The following ZIM2 variants were observed in gnomAD, a reference collection of about 807,000 sequenced individuals.
The protein encoded by ZIM2 is zinc finger imprinted 2, also known as zinc finger protein 656.
ZIM2 carries 14 observed loss-of-function variants against 38.6 expected under a neutral mutation model. That is an observed-to-expected ratio of 0.36 (90% confidence interval 0.24 to 0.57). ZIM2 has a LOEUF of 0.57. ZIM2 is among the 20% of genes least tolerant of loss of function. The pLI, the probability that ZIM2 is intolerant of heterozygous loss-of-function variation, is 0.81. For synonymous variants in ZIM2, 247 were observed against 245.8 expected, an observed-to-expected ratio of 1.00 and a Z score of -0.04; for missense variants, 680 against 695.1, an observed-to-expected ratio of 0.98 and a Z score of 0.24.
chr19:56,775,221 T>G lies in ZIM2; in HGVS notation c.1144A>C (p.Thr382Pro). Reference sequence around the variant, plus strand: ...TTACATTCATAGGGTTTCTTCCCAGTATGGATCCGTTCGTGTCTCCTAAGG... The same window carrying G: ...TTACATTCATAGGGTTTCTTCCCAGGATGGATCCGTTCGTGTCTCCTAAGG... ...VALRRHERIH[T>P]GKKPYECKQC... The change falls in exon 13 of 13, where the codon ACT (threonine) becomes CCT (proline). Residue 382 changes from threonine to proline, a missense_variant. Thr to Pro is a conservative substitution (Grantham distance 38). Coordinates refer to ENST00000629319, the MANE Select transcript of ZIM2 (RefSeq NM_001387356.1). 1 of 1,614,174 alleles carries G rather than the reference T, an allele frequency of 6.2e-7. No individual in the cohort carries two copies. Among genetic ancestry groups the G allele is most frequent in the Non-Finnish European group, 8.5e-7 (1 of 1,180,038 alleles).
At chr19:56,817,957 T>C (rs1600969930) in intron 8 of ZIM2, 119 bp from the exon 9 acceptor site, 1 of 716,866 alleles carries the variant, frequency 1.4e-6, no homozygotes, top group Non-Finnish European at 2.4e-6. Flanking sequence ...ATCTGATTCC[T>C]TGGATGTCAG....
chr19:56,782,299 G>A, intron 10 of ZIM2, 178 bp from the exon 11 acceptor site: 1 of 808,808 alleles, frequency 1.2e-6, no homozygotes, highest in East Asian at 2.9e-5. Flanking sequence ...AGTTCCTATT[G>A]CTAATTACTA....
chr19:56,775,457 T>C lies in ZIM2; in HGVS notation c.908A>G (p.Asn303Ser), dbSNP rs763858774. ...QEKLLTPITM[N>S]DPKTLTPERS... ...TTCCGGAGTGAGGGTCTTGGGGTCA[T>C]TCATTGTTATAGGAGTCAAAAGTTT... The change falls in exon 13 of 13, where the codon AAT (asparagine) becomes AGT (serine). Residue 303 changes from asparagine to serine, a missense_variant. Physicochemically the swap from Asn to Ser is conservative, Grantham distance 46. Coordinates refer to ENST00000629319, the MANE Select transcript of ZIM2 (RefSeq NM_001387356.1). 3 of 1,614,100 alleles carry C rather than the reference T, an allele frequency of 1.9e-6. 1 individual carries two copies. In the South Asian group the frequency reaches 3.3e-5, roughly 18 times the overall value.
intron 9 of ZIM2, among the ~76,000 whole-genome samples, chr19:56,802,542 G>A (rs980169614): frequency 1.1e-4 from 16 of 152,226 alleles, no homozygotes; most frequent in Non-Finnish European, 1.9e-4. Flanking sequence ...CAATTAATGA[G>A]GTCACAGAAA....
chr19:56,809,125 C>G (rs2146043800), intron 9 of ZIM2, among the ~76,000 whole-genome samples: 1 of 152,278 alleles, frequency 6.6e-6, no homozygotes, highest in South Asian at 2.1e-4. Context: ...CCTTCCTTTA[C>G]AGCCTCTTGT....
At chr19:56,811,064 G>A in intron 9 of ZIM2, 1 of 977,078 alleles carries the variant, frequency 1.0e-6, no homozygotes, top group Non-Finnish European at 1.2e-6. Flanking sequence ...AACAAGATAA[G>A]AGGAGAGTAT....
At chr19:56,787,192 G>T (rs1489336855) in intron 10 of ZIM2, among the ~76,000 whole-genome samples, 1 of 152,140 alleles carries the variant, frequency 6.6e-6, no homozygotes, top group Non-Finnish European at 1.5e-5. Flanking sequence ...TCTGGACCTT[G>T]ATCTATAAAT....
intron 9 of ZIM2, chr19:56,816,368 C>T (rs1262431575): frequency 1.9e-6 from 3 of 1,614,010 alleles, no homozygotes; most frequent in Non-Finnish European, 2.5e-6. Context: ...ATGAAGGCAT[C>T]CCGGCCATCT....
chr19:56,827,407 G>C (rs1024805450), intron 2 of ZIM2, among the ~76,000 whole-genome samples: 1 of 151,152 alleles, frequency 6.6e-6, no homozygotes, highest in Non-Finnish European at 1.5e-5. Flanking sequence ...TTTTTTAACA[G>C]AAAAACCTTA....
Position 56,790,749 on chromosome 19 carries a change from G to C in ZIM2, c.491-798C>G, listed in dbSNP as rs7250743. Among the ~76,000 whole-genome samples the C allele has an allele frequency of 8.3e-3, 1,262 of 152,210 alleles. 27 individuals carry two copies. The highest frequency in any genetic ancestry group is 0.029 in the African/African-American group (1,208 of 41,546). ...AGAGGAAAAGACATAGTATATATAG[G>C]GTTTGATAATATCCACACTTTCAAG... On this transcript the variant is annotated intron_variant, in intron 9 of 12. Coordinates refer to ENST00000629319, the MANE Select transcript of ZIM2 (RefSeq NM_001387356.1).
intron 1 of ZIM2, among the ~76,000 whole-genome samples, chr19:56,839,478 C>T (rs971463960): frequency 5.9e-5 from 9 of 151,694 alleles, no homozygotes; most frequent in African/African-American, 2.2e-4. Context: ...AGCCTTGCCC[C>T]GCCCCATATG....
At chr19:56,839,955 G>A (rs1028669973) in intron 1 of ZIM2, among the ~76,000 whole-genome samples, 2 of 152,226 alleles carry the variant, frequency 1.3e-5, no homozygotes, top group South Asian at 2.1e-4. Context: ...GATACCGCCC[G>A]AGAGGGCGGG....
chr19:56,817,198 G>A (rs749232791), intron 9 of ZIM2: 2 of 1,614,014 alleles, frequency 1.2e-6, no homozygotes, highest in Non-Finnish European at 1.7e-6. Flanking sequence ...ACATTCAAAG[G>A]GCTTCTTCCT....
chr19:56,826,106 A>G (rs1194965158), intron 3 of ZIM2, among the ~76,000 whole-genome samples: 1 of 152,166 alleles, frequency 6.6e-6, no homozygotes, highest in Non-Finnish European at 1.5e-5. Context: ...AACCACGGAG[A>G]GCACAACATA....
At chr19:56,822,591 G>A (rs2060606975) in intron 6 of ZIM2, 162 bp downstream of exon 6, 1 of 881,320 alleles carries the variant, frequency 1.1e-6, no homozygotes, top group Middle Eastern at 3.0e-4. Flanking sequence ...GTGGTACCGA[G>A]TGGAACTTCA....
intron 9 of ZIM2, among the ~76,000 whole-genome samples, chr19:56,790,706 C>T (rs190578824): frequency 2.0e-5 from 3 of 152,234 alleles, no homozygotes; most frequent in East Asian, 3.9e-4. Flanking sequence ...TAATAAACTT[C>T]GTCACAGATA....
chr19:56,832,668 G>C lies in ZIM2; in HGVS notation c.-227+3350C>G, dbSNP rs181199840. Among the ~76,000 whole-genome samples, 3 of 152,328 alleles carry C rather than the reference G, an allele frequency of 2.0e-5. No individual in the cohort carries two copies. In the East Asian group the frequency reaches 5.8e-4, roughly 29 times the overall value. On this transcript the variant is annotated intron_variant, in intron 2 of 12. Coordinates refer to ENST00000629319, the MANE Select transcript of ZIM2 (RefSeq NM_001387356.1). Reference sequence around the variant, plus strand: ...CAAAGAAAGGTCACCAACTTCAAGGGGAGGGAGGAGAGGCGCCAAGTGATG... The same window carrying C: ...CAAAGAAAGGTCACCAACTTCAAGGCGAGGGAGGAGAGGCGCCAAGTGATG...
At chr19:56,825,631 T>C (rs932669211) in intron 3 of ZIM2, among the ~76,000 whole-genome samples, 1 of 152,206 alleles carries the variant, frequency 6.6e-6, no homozygotes, top group Admixed American at 6.5e-5. Flanking sequence ...TTATTTGCAT[T>C]TTATTGCGTA....
At chr19:56,834,300 G>T (rs538394879) in intron 2 of ZIM2, among the ~76,000 whole-genome samples, 17 of 152,214 alleles carry the variant, frequency 1.1e-4, no homozygotes, top group African/African-American at 3.6e-4. Context: ...AGGGGCTTCC[G>T]ATATCTTGGT....
Sources: gnomAD v4.1 joint callset for allele counts (sites outside exome capture counted in the v4.1 genomes callset) on GRCh38, gnomAD v4.1.1 for gene constraint, MANE v1.5 for transcripts, NCBI Gene and HGNC (gene_info 2026-07-23, HGNC 2026-07-21) for gene names.